Variants in MPPE1 observed in about 807,000 individuals in gnomAD.
MPPE1 encodes metallophosphoesterase 1, also known as metallo phosphoesterase.
Under a neutral mutation model 43.8 loss-of-function variants are expected in MPPE1, and 28 were observed. The ratio of observed to expected loss-of-function variants is 0.64; its 90% CI spans 0.47 to 0.88. MPPE1 has a LOEUF of 0.88. Among genes scored for constraint, MPPE1 ranks in the 40% least tolerant of loss-of-function variants. The pLI, the probability that MPPE1 is intolerant of heterozygous loss-of-function variation, is 0.00. For synonymous variants in MPPE1, 159 were observed against 188.5 expected, an observed-to-expected ratio of 0.84 and a Z score of 1.28; for missense variants, 428 against 492.2, an observed-to-expected ratio of 0.87 and a Z score of 1.23.
At position 11,885,468 on chromosome 18, in the gene MPPE1, T is replaced by G. The variant is rs559938711; in HGVS notation, c.1008+208A>C. ...ACCTGGACGGTGCCCTGCCCTCGCT[T>G]CTCACATTAACTGCCCAGGAATGTC... On this transcript the variant is annotated intron_variant, in intron 10 of 10. Coordinates refer to ENST00000588072, the MANE Select transcript of MPPE1 (RefSeq NM_023075.6). The G allele has an allele frequency of 5.1e-5, 31 of 609,590 alleles. No homozygotes were observed. In the South Asian group the frequency reaches 6.7e-4, roughly 13 times the overall value. 37.8% of individuals were successfully genotyped at this position (609,590 alleles called of 1,614,324 possible).
At chr18:11,889,296 G>T in intron 5 of MPPE1, 91 bp downstream of exon 5, 1 of 801,258 alleles carries the variant, frequency 1.2e-6, no homozygotes, top group Non-Finnish European at 2.0e-6. Context: ...TTTCAAGACA[G>T]CACAAATAGG....
rs932126342 is a variant in MPPE1, at chr18:11,906,811, G to A, written c.-199-502C>T. On this transcript the variant is annotated intron_variant, in intron 1 of 10. Coordinates refer to ENST00000588072, the MANE Select transcript of MPPE1 (RefSeq NM_023075.6). ...GGAGGTTGTAGTGAGCCGAGATCGC[G>A]CCATTGCACTCCAGCCTGGGCAACA... Among the ~76,000 whole-genome samples the A allele has an allele frequency of 1.0e-4, 15 of 144,468 alleles. No homozygotes were observed. In the East Asian group the frequency reaches 2.2e-3, roughly 21 times the overall value. The allele number at this position is 144,468 out of a possible 152,430, so 94.8% of individuals were successfully genotyped here. A position where few individuals can be genotyped will look rare whatever the true frequency, so the allele number is the denominator to read the frequency against.
intron 3 of MPPE1, among the ~76,000 whole-genome samples, chr18:11,893,990 ACTTC>A (rs2038290426): frequency 6.6e-6 from 1 of 152,208 alleles, no homozygotes; most frequent in Non-Finnish European, 1.5e-5. Context: ...AGGGACTTCA[ACTTC>A]CTTCTTTGCT....
intron 4 of MPPE1, among the ~76,000 whole-genome samples, chr18:11,890,037 G>A (rs1458037884): frequency 6.7e-6 from 1 of 149,988 alleles, no homozygotes; most frequent in Non-Finnish European, 1.5e-5. Flanking sequence ...CTGCCTCCGG[G>A]GTTCACGCCA....
intron 10 of MPPE1, 96 bp from the exon 11 acceptor site, chr18:11,884,723 C>T: frequency 7.2e-7 from 1 of 1,395,366 alleles, no homozygotes; most frequent in South Asian, 1.3e-5. Flanking sequence ...CTTCTCAGGT[C>T]CCCCTCAGGT....
At chr18:11,892,209 G>A (rs997098168) in intron 4 of MPPE1, among the ~76,000 whole-genome samples, 11 of 151,796 alleles carry the variant, frequency 7.2e-5, no homozygotes, top group African/African-American at 2.7e-4. Flanking sequence ...GCATGGTGGT[G>A]TGTGCCTGTA....
chr18:11,885,721 G>A lies in MPPE1; in HGVS notation c.963C>T (p.Val321=). ...TTCTGTTCCTCCAACTGAAAGATGGGACGCTGAGCTCGGGGACTCGGCCCC... is the reference window on the plus strand; with the variant it reads ...TTCTGTTCCTCCAACTGAAAGATGGAACGCTGAGCTCGGGGACTCGGCCCC... ...HHGGRVPELS[V]PSFSWRNRNN... is the part of the protein sequence containing the mutation. The change falls in exon 10 of 11, where the codon GTC becomes GTT. Residue 321 remains valine (V), a synonymous_variant. Transcript: ENST00000588072. 3 of 1,614,010 alleles carry A rather than the reference G, an allele frequency of 1.9e-6. No homozygotes were observed. Among genetic ancestry groups the A allele is most frequent in the Non-Finnish European group, 2.5e-6 (3 of 1,179,890 alleles).
At chr18:11,885,081 T>TTC in intron 10 of MPPE1, 1 of 1,267,646 alleles carries the variant, frequency 7.9e-7, no homozygotes, top group African/African-American at 1.5e-5. Flanking sequence ...CCATGGGCTT[T>TTC]TCTTTGCAGA....
At position 11,887,078 on chromosome 18, in the gene MPPE1, T is replaced by C. The variant is rs560427076; in HGVS notation, c.570-53A>G. Reference sequence around the variant, plus strand: ...CCGCTGGGGGTATCAGTGCTTTCTTTTCCCTACTGTTCCCATGAAAAGAAA... The same window carrying C: ...CCGCTGGGGGTATCAGTGCTTTCTTCTCCCTACTGTTCCCATGAAAAGAAA... On this transcript the variant is annotated intron_variant, in intron 6 of 10. Coordinates refer to ENST00000588072, the MANE Select transcript of MPPE1 (RefSeq NM_023075.6). 88 of 1,280,178 alleles carry C rather than the reference T, an allele frequency of 6.9e-5. No individual in the cohort carries two copies. The Middle Eastern group carries it at 8.7e-4, about 13-fold the overall frequency. 79.3% of individuals were successfully genotyped at this position (1,280,178 alleles called of 1,614,324 possible).
At chr18:11,901,172 T>C (rs186997674) in intron 2 of MPPE1, among the ~76,000 whole-genome samples, 5 of 152,208 alleles carry the variant, frequency 3.3e-5, no homozygotes, top group Admixed American at 1.3e-4. Flanking sequence ...TTGGGGACTG[T>C]CATTCCTCTG....
At chr18:11,892,065 C>T (rs1298655000) in intron 4 of MPPE1, among the ~76,000 whole-genome samples, 2 of 152,034 alleles carry the variant, frequency 1.3e-5, no homozygotes, top group Non-Finnish European at 1.5e-5. Flanking sequence ...CTAGGTCTGG[C>T]GCAGCGGCTC....
At chr18:11,893,976 T>G (rs2038287744) in intron 3 of MPPE1, among the ~76,000 whole-genome samples, 1 of 152,154 alleles carries the variant, frequency 6.6e-6, no homozygotes, top group Admixed American at 6.5e-5. Flanking sequence ...TAGCTTCTTA[T>G]TAAAGGGACT....
chr18:11,892,044 C>T (rs1567944994), intron 4 of MPPE1, among the ~76,000 whole-genome samples: 1 of 152,174 alleles, frequency 6.6e-6, no homozygotes, highest in Non-Finnish European at 1.5e-5. Flanking sequence ...AAACGATCCT[C>T]CTGCCTTGGA....
At position 11,888,058 on chromosome 18, in the gene MPPE1, A is replaced by G. The variant is rs116431159; in HGVS notation, c.569+611T>C. ...TGTTTTCTCCACCGCGTCTATAATCAGTATAGAGTATAGAGTCCTGTCCAC... is the reference window on the plus strand; with the variant it reads ...TGTTTTCTCCACCGCGTCTATAATCGGTATAGAGTATAGAGTCCTGTCCAC... On this transcript the variant is annotated intron_variant, in intron 6 of 10. Coordinates refer to ENST00000588072, the MANE Select transcript of MPPE1 (RefSeq NM_023075.6). Among the ~76,000 whole-genome samples, 723 of 152,340 alleles carry G rather than the reference A, an allele frequency of 4.7e-3. 6 individuals carry two copies. The highest frequency in any genetic ancestry group is 0.017 in the African/African-American group (694 of 41,576).
intron 2 of MPPE1, among the ~76,000 whole-genome samples, chr18:11,903,358 T>TCATCTAA (rs1389440936): frequency 6.6e-6 from 1 of 152,156 alleles, no homozygotes; most frequent in Non-Finnish European, 1.5e-5. Flanking sequence ...TGGGCATGCG[T>TCATCTAA]ACAACTTCCT....
intron 2 of MPPE1, among the ~76,000 whole-genome samples, chr18:11,904,891 C>G (rs182163352): frequency 6.6e-6 from 1 of 151,488 alleles, no homozygotes; most frequent in Non-Finnish European, 1.5e-5. Context: ...TGCAGTGAGC[C>G]GAGATTTCAC....
intron 3 of MPPE1, among the ~76,000 whole-genome samples, chr18:11,894,000 T>C (rs1176481268): frequency 6.6e-6 from 1 of 152,204 alleles, no homozygotes; most frequent in Non-Finnish European, 1.5e-5. Context: ...ACTTCCTTCT[T>C]TGCTTCCAAG....
chr18:11,904,792 A>T (rs982718154), intron 2 of MPPE1, among the ~76,000 whole-genome samples: 1 of 151,716 alleles, frequency 6.6e-6, no homozygotes, highest in Non-Finnish European at 1.5e-5. Context: ...TTAATACAAA[A>T]ATTAGCCGGG....
chr18:11,886,826 A>G lies in MPPE1; in HGVS notation c.679-48T>C, dbSNP rs1166699333. On this transcript the variant is annotated intron_variant, in intron 7 of 10. Transcript: ENST00000588072. The surrounding 1 kb of genome is among the most constrained non-coding windows in gnomAD (Gnocchi z 4.1). ...TTAATCCGCACACCTGACCCTCATCAAAGGGCAAGAAGCGCTAGGGGGCTG... is the reference window on the plus strand; with the variant it reads ...TTAATCCGCACACCTGACCCTCATCGAAGGGCAAGAAGCGCTAGGGGGCTG... The G allele has an allele frequency of 3.1e-6, 5 of 1,601,754 alleles. No individual in the cohort carries two copies. Among genetic ancestry groups the G allele is most frequent in the Middle Eastern group, 3.3e-4 (2 of 6,038 alleles).
Sources: allele counts gnomAD v4.1 joint callset (sites outside exome capture counted in the v4.1 genomes callset), GRCh38; gene constraint gnomAD v4.1.1; non-coding constraint Gnocchi (gnomAD v3.1); transcripts MANE v1.5; gene names NCBI Gene and HGNC (gene_info 2026-07-23, HGNC 2026-07-21).